Variants in SWT1 observed in about 807,000 individuals in gnomAD.
SWT1 encodes transcriptional protein SWT1.
SWT1 carries 33 observed loss-of-function variants against 107.3 expected under a neutral mutation model. The ratio of observed to expected loss-of-function variants is 0.31; its 90% CI spans 0.23 to 0.41. The LOEUF is 0.41. Ranked by LOEUF, SWT1 falls within the 10% of genes least tolerant of loss-of-function variation. SWT1 has a pLI of 1.00. For synonymous variants in SWT1, 345 were observed against 348.3 expected (o/e 0.99, Z 0.11); for missense variants, 898 against 1,028.9 (o/e 0.87, Z 1.74).
intron 10 of SWT1, among the ~76,000 whole-genome samples, chr1:185,198,932 G>A (rs1314298165): frequency 2.0e-5 from 3 of 148,320 alleles, no homozygotes; most frequent in Non-Finnish European, 4.5e-5. Flanking sequence ...CATTTAGCTC[G>A]TTTACATTTT....
intron 15 of SWT1, chr1:185,227,269 A>G (rs1660139031): frequency 5.3e-6 from 4 of 757,522 alleles, no homozygotes; most frequent in Non-Finnish European, 9.6e-6. Flanking sequence ...TCCAAATAGC[A>G]GGTAAAGGCA....
intron 6 of SWT1, 47 bp downstream of exon 6, chr1:185,180,497 C>T (rs1262953259): frequency 1.5e-6 from 2 of 1,346,364 alleles, no homozygotes; most frequent in South Asian, 1.2e-5. Flanking sequence ...GAAATTAAGT[C>T]AGTTCCTACT....
chr1:185,217,431 A>G (rs1436316630), intron 14 of SWT1, among the ~76,000 whole-genome samples: 1 of 152,146 alleles, frequency 6.6e-6, no homozygotes, highest in Non-Finnish European at 1.5e-5. Context: ...CCTATTGTGA[A>G]CTGTGCATAC....
chr1:185,252,124 T>A (rs1571619937), intron 16 of SWT1, among the ~76,000 whole-genome samples: 2 of 152,400 alleles, frequency 1.3e-5, no homozygotes, highest in South Asian at 2.1e-4. Context: ...TCATTTTTTA[T>A]GGCTGCATAG....
intron 1 of SWT1, 146 bp from the exon 2 acceptor site, chr1:185,160,687 G>A (rs1190936427): frequency 5.3e-6 from 3 of 568,466 alleles, no homozygotes; most frequent in African/African-American, 1.9e-5. Flanking sequence ...GAGCGATGGA[G>A]CGAGACTCCA....
chr1:185,252,000 T>A (rs932274736), intron 16 of SWT1, among the ~76,000 whole-genome samples: 12 of 151,438 alleles, frequency 7.9e-5, no homozygotes, highest in Non-Finnish European at 1.6e-4. Context: ...TGTGTCCATG[T>A]GATCTCATTG....
chr1:185,165,340 G>A (rs1047904403), intron 2 of SWT1, among the ~76,000 whole-genome samples: 2 of 152,138 alleles, frequency 1.3e-5, no homozygotes, highest in Admixed American at 6.5e-5. Context: ...AGCACATACT[G>A]TTGGAAAAAT....
chr1:185,283,095 C>T (rs1328193367), intron 18 of SWT1, among the ~76,000 whole-genome samples: 1 of 152,182 alleles, frequency 6.6e-6, no homozygotes, highest in Non-Finnish European at 1.5e-5. Context: ...GAGCCTCTGT[C>T]CCCATGGAGT....
chr1:185,214,747 A>T, intron 14 of SWT1, 92 bp downstream of exon 14: 1 of 969,680 alleles, frequency 1.0e-6, no homozygotes, highest in Non-Finnish European at 1.5e-6. Flanking sequence ...GGATAATTTA[A>T]TTCTAACTTA....
intron 15 of SWT1, chr1:185,227,171 A>G (rs2102550763): frequency 2.0e-6 from 2 of 981,618 alleles, no homozygotes; most frequent in Non-Finnish European, 3.2e-6. Flanking sequence ...ATTGTTTGGT[A>G]CTATGAGGGA....
In SWT1 at chr1:185,187,053, CT is replaced by C. The variant is rs34634110; in HGVS notation, c.1429+2141del. ...TACAGGCGTGAGCCACCGCGCCCAG[CT>C]TTTTTTTTTTTTTTTTTTAAAAGAG... is the stretch of plus-strand genomic sequence containing the variant. On this transcript the variant is annotated intron_variant, in intron 9 of 18. Coordinates refer to ENST00000367500, the MANE Select transcript of SWT1 (RefSeq NM_017673.7). Among the ~76,000 whole-genome samples, 26 of 118,750 alleles carry C rather than the reference CT, an allele frequency of 2.2e-4. 1 individual carries two copies. The highest frequency in any genetic ancestry group is 4.8e-4 in the Admixed American group (5 of 10,358). The allele number at this position is 118,750 out of a possible 152,430, so 77.9% of individuals were successfully genotyped here.
At chr1:185,253,971 G>C (rs1662265469) in intron 16 of SWT1, among the ~76,000 whole-genome samples, 1 of 147,928 alleles carries the variant, frequency 6.8e-6, no homozygotes. Context: ...CTAATTTATT[G>C]AGAGTTTTTA....
chr1:185,257,093 G>C (rs935224541), intron 16 of SWT1, among the ~76,000 whole-genome samples: 4 of 152,086 alleles, frequency 2.6e-5, no homozygotes, highest in East Asian at 3.9e-4. Context: ...TAGGCTGCTC[G>C]GGGGTCAGGT....
chr1:185,195,959 G>C (rs887160653), intron 10 of SWT1, among the ~76,000 whole-genome samples: 3 of 152,146 alleles, frequency 2.0e-5, no homozygotes, highest in Admixed American at 1.3e-4. Flanking sequence ...TAACCCTGAT[G>C]ATAGTTTCTT....
chr1:185,239,818 C>T (rs915011843), intron 16 of SWT1, among the ~76,000 whole-genome samples: 2 of 151,910 alleles, frequency 1.3e-5, no homozygotes, highest in African/African-American at 4.8e-5. Context: ...ACTCTTAAGA[C>T]CACAGAAACC....
intron 13 of SWT1, among the ~76,000 whole-genome samples, chr1:185,210,994 T>C (rs376600808): frequency 1.3e-4 from 20 of 151,152 alleles, no homozygotes; most frequent in Admixed American, 9.3e-4. Flanking sequence ...AAAAGGGATG[T>C]GAAGGTCCTC....
At chr1:185,249,013 G>A (rs1356425299) in intron 16 of SWT1, among the ~76,000 whole-genome samples, 1 of 152,116 alleles carries the variant, frequency 6.6e-6, no homozygotes, top group Admixed American at 6.5e-5. Context: ...GAGTTGACTA[G>A]ACTCATCTTG....
chr1:185,277,996 T>C (rs1664359213), intron 18 of SWT1, among the ~76,000 whole-genome samples: 1 of 152,150 alleles, frequency 6.6e-6, no homozygotes. Flanking sequence ...AATCTTCTTT[T>C]TGTCTTTTTT....
intron 16 of SWT1, among the ~76,000 whole-genome samples, chr1:185,233,818 A>T (rs1485514261): frequency 1.3e-5 from 2 of 152,112 alleles, no homozygotes; most frequent in African/African-American, 4.8e-5. Context: ...ATCTCAGCTC[A>T]CTGCAAGCTC....
Sources: allele counts gnomAD v4.1 joint callset (sites outside exome capture counted in the v4.1 genomes callset), GRCh38; gene constraint gnomAD v4.1.1; transcripts MANE v1.5; gene names NCBI Gene and HGNC (gene_info 2026-07-23, HGNC 2026-07-21).